TIAM2: variants seen among roughly 807,000 people sequenced by gnomAD.
TIAM2 encodes the protein rho guanine nucleotide exchange factor TIAM2.
In TIAM2, 80 loss-of-function variants were observed where a neutral mutation model predicts 152.9. That is an observed-to-expected ratio of 0.52 (90% CI 0.44 to 0.63). The LOEUF is 0.63. Among genes scored for constraint, TIAM2 ranks in the 30% least tolerant of loss-of-function variants. The pLI, the probability that TIAM2 is intolerant of heterozygous loss-of-function variation, is 0.00. For synonymous variants in TIAM2, 804 were observed against 838.0 expected, an observed-to-expected ratio of 0.96 and a Z score of 0.70; for missense variants, 1,965 against 2,120.1, an observed-to-expected ratio of 0.93 and a Z score of 1.44.
intron 7 of TIAM2, among the ~76,000 whole-genome samples, chr6:155,150,720 A>G (rs1779934654): frequency 6.6e-6 from 1 of 152,036 alleles, no homozygotes; most frequent in East Asian, 1.9e-4. Flanking sequence ...CGGCAGATTC[A>G]GTGTCTGGTG....
Position 155,254,424 on chromosome 6 carries a change from G to A in TIAM2, c.4319G>A (p.Ser1440Asn), listed in dbSNP as rs539623351. ...ETIFQLCCSD[S>N]ESKTNIVKVI... is the part of the protein sequence containing the mutation. ...TTCTCTCCCCCCCCACCCAGTGACAGTGAAAGCAAAACCAACATTGTTAAG... is the reference window on the plus strand; with the variant it reads ...TTCTCTCCCCCCCCACCCAGTGACAATGAAAGCAAAACCAACATTGTTAAG... Residue 1440 changes from serine (S) to asparagine (N), a missense_variant, in exon 26 of 27, where the codon AGT becomes AAT. Ser to Asn is a conservative substitution (Grantham distance 46). Around this residue, in one of 3 missense-constraint regions of TIAM2, gnomAD observed 935 missense variants for 980.0 expected, o/e 0.95. Coordinates refer to ENST00000682666, the MANE Select transcript of TIAM2 (RefSeq NM_012454.4). The A allele has an allele frequency of 1.9e-6, 3 of 1,611,492 alleles. No individual in the cohort carries two copies. The highest frequency in any genetic ancestry group is 2.7e-5 in the African/African-American group (2 of 75,002).
At chr6:155,006,668 C>T (rs1778407080) in intron 1 of TIAM2, among the ~76,000 whole-genome samples, 1 of 149,196 alleles carries the variant, frequency 6.7e-6, no homozygotes, top group South Asian at 2.2e-4. Flanking sequence ...ACTGTCTCCC[C>T]CACCTCCCCC....
intron 1 of TIAM2, among the ~76,000 whole-genome samples, chr6:155,042,365 G>C (rs887403546): frequency 6.6e-6 from 1 of 152,128 alleles, no homozygotes; most frequent in Admixed American, 6.5e-5. Context: ...TAAGGCTGAG[G>C]CGGGCGGATC....
chr6:155,215,307 A>T (rs914944812), intron 15 of TIAM2, among the ~76,000 whole-genome samples: 8 of 152,352 alleles, frequency 5.3e-5, no homozygotes, highest in African/African-American at 1.9e-4. Context: ...GAGGAGAGAA[A>T]GCTGCAATCA....
chr6:155,171,715 T>C (rs934341747), intron 9 of TIAM2, among the ~76,000 whole-genome samples: 2 of 152,236 alleles, frequency 1.3e-5, no homozygotes, highest in East Asian at 1.9e-4. Context: ...AGCATATATA[T>C]ATGCATACAG....
At chr6:155,190,013 T>C (rs1017462457) in intron 14 of TIAM2, among the ~76,000 whole-genome samples, 9 of 152,190 alleles carry the variant, frequency 5.9e-5, no homozygotes, top group Non-Finnish European at 1.2e-4. Flanking sequence ...GAAGAAAGGT[T>C]GGAAAGTCTA....
chr6:155,047,694 AGAGAGAGAGAGCG>A (rs1777217342), intron 1 of TIAM2, among the ~76,000 whole-genome samples: 1 of 7,560 alleles, frequency 1.3e-4, no homozygotes, highest in Non-Finnish European at 3.2e-4. Flanking sequence ...GAGAGGAGAG[AGAGAGAGAGAGCG>A]AGAGAGAGAG....
chr6:155,206,540 C>A (rs1781601432), intron 14 of TIAM2, among the ~76,000 whole-genome samples: 1 of 152,154 alleles, frequency 6.6e-6, no homozygotes, highest in Non-Finnish European at 1.5e-5. Context: ...CAGCCCACAG[C>A]ATGTTGATTA....
intron 1 of TIAM2, among the ~76,000 whole-genome samples, chr6:154,999,360 C>A (rs1778275525): frequency 6.6e-6 from 1 of 151,158 alleles, no homozygotes; most frequent in South Asian, 2.1e-4. Context: ...GCACCCACCA[C>A]CACACCTGGC....
At chr6:155,127,650 A>G (rs1178849618) in intron 3 of TIAM2, 50 bp downstream of exon 3, 1 of 454,128 alleles carries the variant, frequency 2.2e-6, no homozygotes, top group East Asian at 6.9e-5. Context: ...CATGACTGTG[A>G]TTAAGGTAAT....
rs1425176092 is a variant in TIAM2, at chr6:155,213,825, C to G, written c.3168+2518C>G. On this transcript the variant is annotated intron_variant, in intron 15 of 26. Transcript: ENST00000682666. This position sits in a 1 kb window ranked among gnomAD's most constrained non-coding sequence, Gnocchi z 4.2. Reference sequence around the variant, plus strand: ...AGGGGGCTGGCATGTCAGCGCTGCCCTGAACGTGTCCACACATGGCTGGGT... The same window carrying G: ...AGGGGGCTGGCATGTCAGCGCTGCCGTGAACGTGTCCACACATGGCTGGGT... Among the ~76,000 whole-genome samples, 1 of 152,246 alleles carries G rather than the reference C, an allele frequency of 6.6e-6. No homozygotes were observed. Among genetic ancestry groups the G allele is most frequent in the African/African-American group, 2.4e-5 (1 of 41,468 alleles).
chr6:155,028,272 A>G (rs547045740), intron 1 of TIAM2, among the ~76,000 whole-genome samples: 1 of 109,862 alleles, frequency 9.1e-6, no homozygotes, highest in Non-Finnish European at 2.0e-5. Flanking sequence ...ACTACATATA[A>G]TATATGTACT....
chr6:155,079,459 G>A (rs1412596385), intron 1 of TIAM2, among the ~76,000 whole-genome samples: 1 of 152,176 alleles, frequency 6.6e-6, no homozygotes, highest in African/African-American at 2.4e-5. Flanking sequence ...TACTGGTGCT[G>A]TGCCTGATTC....
intron 1 of TIAM2, among the ~76,000 whole-genome samples, chr6:155,081,919 C>T (rs181456224): frequency 2.6e-5 from 4 of 152,282 alleles, no homozygotes; most frequent in Admixed American, 2.6e-4. Flanking sequence ...TTGTGCCAAT[C>T]TTCTGCCTCA....
Position 155,148,164 on chromosome 6 carries a change from G to A in TIAM2, c.1858G>A (p.Ala620Thr). The stretch of plus-strand genomic sequence containing the variant: ...GGTCACTGCTGTACACTCTGCTTGT[G>A]CATCCCTTTTTGCAAAGAAGCATGG... ...NWVTAVHSAC[A>T]SLFAKKHGKE... Residue 620 changes from alanine (A) to threonine (T), a missense_variant, in exon 7 of 27, where the codon GCA becomes ACA. Transcript: ENST00000682666. 2 of 1,613,760 alleles carry A rather than the reference G, an allele frequency of 1.2e-6. No homozygotes were observed. The highest frequency in any genetic ancestry group is 1.7e-6 in the Non-Finnish European group (2 of 1,180,022).
intron 2 of TIAM2, among the ~76,000 whole-genome samples, chr6:155,123,037 C>G (rs1367124054): frequency 6.6e-6 from 1 of 152,118 alleles, no homozygotes; most frequent in African/African-American, 2.4e-5. Flanking sequence ...AGACAAAAAT[C>G]ATAGCTGAAG....
chr6:155,114,204 C>A (rs961319842), intron 2 of TIAM2, among the ~76,000 whole-genome samples: 2 of 150,474 alleles, frequency 1.3e-5, no homozygotes, highest in African/African-American at 4.9e-5. Context: ...CAGAGGCGTG[C>A]CACCACACCC....
At chr6:155,079,045 C>G (rs1778009678) in intron 1 of TIAM2, among the ~76,000 whole-genome samples, 2 of 151,482 alleles carry the variant, frequency 1.3e-5, no homozygotes, top group African/African-American at 4.9e-5. Context: ...TTCTGGATGA[C>G]CAGTTTATCT....
chr6:155,222,078 T>A (rs1486400544), intron 15 of TIAM2, among the ~76,000 whole-genome samples: 1 of 151,892 alleles, frequency 6.6e-6, no homozygotes, highest in African/African-American at 2.4e-5. Context: ...CTCAGCCTCC[T>A]CAGTACCTGG....
Sources: gnomAD v4.1 joint callset for allele counts (sites outside exome capture counted in the v4.1 genomes callset) on GRCh38, gnomAD v4.1.1 for gene constraint, gnomAD v4.1.1 regional missense constraint, Gnocchi (gnomAD v3.1) non-coding constraint, MANE v1.5 for transcripts, NCBI Gene and HGNC (gene_info 2026-07-23, HGNC 2026-07-21) for gene names.